Variants in SLC10A7 observed in about 807,000 individuals in gnomAD.
The protein encoded by SLC10A7 is solute carrier family 10 member 7, also known as sodium/bile acid cotransporter 7.
Under a neutral mutation model 43.2 loss-of-function variants are expected in SLC10A7, and 29 were observed. That is an observed-to-expected ratio of 0.67 (90% CI 0.50 to 0.92). The LOEUF (loss-of-function observed/expected upper bound fraction) is 0.92. Among genes scored for constraint, SLC10A7 ranks in the 40% least tolerant of loss-of-function variants. The pLI, the probability that SLC10A7 is intolerant of heterozygous loss-of-function variation, is 0.00. For missense variants in SLC10A7, 295 were observed against 403.2 expected (o/e 0.73, Z 2.30); for synonymous variants, 152 against 144.8 (o/e 1.05, Z -0.35).
In SLC10A7 at chr4:146,258,716, CT is replaced by C; in HGVS notation, c.968del (p.Lys323SerfsTer11). 6.2e-7 allele frequency: 1 copy of C among 1,602,414 alleles called. No homozygotes were observed. The highest frequency in any genetic ancestry group is 1.1e-5 in the South Asian group (1 of 88,160). On this transcript the variant is annotated frameshift_variant, in exon 11 of 12. Transcript: ENST00000335472. LOFTEE classifies it high-confidence loss of function. ...LLGSVLVPTI[K>X]SWMVSRQKGV... Reference sequence around the variant, plus strand: ...CCTTCTGCCTTGATACCATCCAAGACTTGATTGTTGGCACCAACACACTTCC... The same window carrying C: ...CCTTCTGCCTTGATACCATCCAAGACTGATTGTTGGCACCAACACACTTCC...
intron 10 of SLC10A7, among the ~76,000 whole-genome samples, chr4:146,267,515 C>G (rs1728635610): frequency 6.6e-6 from 1 of 152,158 alleles, no homozygotes; most frequent in South Asian, 2.1e-4. Flanking sequence ...GTCTTTTGCT[C>G]AAATTCTCCA....
At chr4:146,500,471 C>T (rs1483840239) in intron 4 of SLC10A7, among the ~76,000 whole-genome samples, 1 of 152,194 alleles carries the variant, frequency 6.6e-6, no homozygotes, top group African/African-American at 2.4e-5. Context: ...CAGCTACACA[C>T]ATCCATATCC....
chr4:146,430,536 A>T (rs1232385496), intron 5 of SLC10A7, among the ~76,000 whole-genome samples: 1 of 152,218 alleles, frequency 6.6e-6, no homozygotes, highest in East Asian at 1.9e-4. Context: ...GAACTGGCTG[A>T]ATAATAAAAA....
At chr4:146,360,066 C>T (rs547354523) in intron 5 of SLC10A7, among the ~76,000 whole-genome samples, 2 of 152,272 alleles carry the variant, frequency 1.3e-5, no homozygotes, top group African/African-American at 4.8e-5. Flanking sequence ...TAGTCCAAAA[C>T]CAGGAACCTA....
chr4:146,441,069 C>A (rs1017320665), intron 5 of SLC10A7, among the ~76,000 whole-genome samples: 1 of 152,146 alleles, frequency 6.6e-6, no homozygotes, highest in Non-Finnish European at 1.5e-5. Context: ...GTGGGACCCA[C>A]CTTGTATTTC....
At chr4:146,459,174 G>A (rs1399182193) in intron 4 of SLC10A7, among the ~76,000 whole-genome samples, 1 of 151,570 alleles carries the variant, frequency 6.6e-6, no homozygotes, top group East Asian at 1.9e-4. Flanking sequence ...TATGCTAAAG[G>A]TTATAAAACA....
At chr4:146,387,057 T>G (rs1307000797) in intron 5 of SLC10A7, among the ~76,000 whole-genome samples, 2 of 152,224 alleles carry the variant, frequency 1.3e-5, no homozygotes, top group African/African-American at 2.4e-5. Flanking sequence ...TCTTTGTAAT[T>G]TAATGCAAAT....
At chr4:146,370,609 T>C (rs997978350) in intron 5 of SLC10A7, among the ~76,000 whole-genome samples, 3 of 152,154 alleles carry the variant, frequency 2.0e-5, no homozygotes, top group South Asian at 4.1e-4. Context: ...AAGAAGAATA[T>C]AGAGTTCTCA....
intron 6 of SLC10A7, among the ~76,000 whole-genome samples, chr4:146,310,799 A>G (rs756325220): frequency 1.2e-4 from 19 of 152,092 alleles, no homozygotes; most frequent in Non-Finnish European, 2.5e-4. Context: ...CAGAGACAGA[A>G]TCTAAACCCA....
chr4:146,374,619 T>TACACACAC (rs59049339), intron 5 of SLC10A7, among the ~76,000 whole-genome samples: 2 of 123,512 alleles, frequency 1.6e-5, no homozygotes, highest in Non-Finnish European at 1.7e-5. Flanking sequence ...TATATACACA[T>TACACACAC]ACACACACAC....
intron 4 of SLC10A7, among the ~76,000 whole-genome samples, chr4:146,454,079 C>A (rs990723747): frequency 6.6e-6 from 1 of 151,894 alleles, no homozygotes; most frequent in Non-Finnish European, 1.5e-5. Context: ...ATTGTTTCAA[C>A]ATTTTCCTAA....
rs1410589937 is a variant in SLC10A7, at chr4:146,355,203, T to A, written c.436-29207A>T. 3.1e-3 allele frequency among the ~76,000 whole-genome samples: 475 copies of A among 151,256 alleles called. 2 individuals are homozygous for A. The highest frequency in any genetic ancestry group is 0.011 in the African/African-American group (457 of 41,016). On this transcript the variant is annotated intron_variant, in intron 5 of 11. Transcript: ENST00000335472. Reference sequence around the variant, plus strand: ...AAACAAATTTACAAGAAAAAAACAATCAACCCCATCAAAAAGTGGGCAAAG... The same window carrying A: ...AAACAAATTTACAAGAAAAAAACAAACAACCCCATCAAAAAGTGGGCAAAG...
At chr4:146,407,947 G>A (rs139016053) in intron 5 of SLC10A7, among the ~76,000 whole-genome samples, 2 of 152,014 alleles carry the variant, frequency 1.3e-5, no homozygotes, top group East Asian at 1.9e-4. Context: ...TTTCCTACAC[G>A]TGCCATAAAG....
At chr4:146,468,473 A>ATT (rs368637891) in intron 4 of SLC10A7, among the ~76,000 whole-genome samples, 51,548 of 143,522 alleles carry the variant, frequency 0.36, 9,970 homozygotes, top group African/African-American at 0.5. Flanking sequence ...TTATATTTTA[A>ATT]TTTTTTTTTT....
chr4:146,461,823 C>CTT (rs10695588), intron 4 of SLC10A7, among the ~76,000 whole-genome samples: 67,504 of 135,946 alleles, frequency 0.5, 16,874 homozygotes, highest in East Asian at 0.65. Context: ...AGTGACCAGG[C>CTT]TTTTTTTTTT....
chr4:146,505,360 TATGTAATAC>T (rs1289245913), intron 3 of SLC10A7, among the ~76,000 whole-genome samples: 1 of 152,208 alleles, frequency 6.6e-6, no homozygotes, highest in East Asian at 1.9e-4. Context: ...ATTGTAAGAA[TATGTAATAC>T]ATGTAATATA....
intron 5 of SLC10A7, among the ~76,000 whole-genome samples, chr4:146,402,178 C>G (rs1182463863): frequency 2.0e-5 from 3 of 152,136 alleles, no homozygotes; most frequent in Non-Finnish European, 4.4e-5. Context: ...AGGAAAGATA[C>G]ATATGTGTAT....
rs1354184176 is a variant in SLC10A7 at position 146,335,692 on chromosome 4, T to C, written c.436-9696A>G. 2.0e-5 allele frequency among the ~76,000 whole-genome samples: 3 copies of C among 152,016 alleles called. No homozygotes were observed. In the East Asian group the frequency reaches 5.8e-4, roughly 29 times the overall value. ...CAAATACCACCACTGAGCTAATATT[T>C]CCATACAAGGAAATGATGATAAGAT... On this transcript the variant is annotated intron_variant, in intron 5 of 11. Coordinates refer to ENST00000335472, the MANE Select transcript of SLC10A7 (RefSeq NM_001029998.6).
At chr4:146,512,270 G>A (rs182429955) in intron 2 of SLC10A7, among the ~76,000 whole-genome samples, 148 of 152,030 alleles carry the variant, frequency 9.7e-4, no homozygotes, top group Admixed American at 1.8e-3. Context: ...CCCCGTGCCC[G>A]GACTGCATAT....
Sources: gnomAD v4.1 joint callset for allele counts (sites outside exome capture counted in the v4.1 genomes callset) on GRCh38, gnomAD v4.1.1 for gene constraint, MANE v1.5 for transcripts, NCBI Gene and HGNC (gene_info 2026-07-23, HGNC 2026-07-21) for gene names.